ROBO1: variants seen among roughly 807,000 people sequenced by gnomAD.
ROBO1 encodes the protein roundabout homolog 1.
A neutral mutation model predicts 195.9 loss-of-function variants in ROBO1; 149 were observed. The observed-to-expected ratio is 0.76, with a 90% CI of 0.67 to 0.87. ROBO1 has a LOEUF of 0.87. Among genes scored for constraint, ROBO1 ranks in the 40% least tolerant of loss-of-function variants. The probability of loss-of-function intolerance (pLI) is 0.00; values close to 1 mark genes in which losing one functional copy is unlikely to be tolerated. For synonymous variants in ROBO1, 816 were observed against 733.2 expected, an observed-to-expected ratio of 1.11 and a Z score of -1.82; for missense variants, 1,933 against 2,068.3, an observed-to-expected ratio of 0.93 and a Z score of 1.27.
Position 79,019,093 on chromosome 3 carries a change from G to A in ROBO1, c.173-80166C>T. On this transcript the variant is annotated intron_variant, in intron 3 of 30. Transcript: ENST00000464233. The stretch of plus-strand genomic sequence containing the variant: ...ACAGCGGCTGCCTGGGCGGGCCCTT[G>A]TTCCCATCACTTGGGGGATGCGGAG... 5 of 988,510 alleles carry A rather than the reference G, an allele frequency of 5.1e-6. No homozygotes were observed. In the African/African-American group the frequency reaches 7.0e-5, roughly 14 times the overall value. The allele number at this position is 988,510 out of a possible 1,614,324, so 61.2% of individuals were successfully genotyped here. A position where few individuals can be genotyped will look rare whatever the true frequency, so the allele number is the denominator to read the frequency against.
At chr3:79,702,897 G>T (rs1466153608) in intron 1 of ROBO1, among the ~76,000 whole-genome samples, 1 of 151,814 alleles carries the variant, frequency 6.6e-6, no homozygotes, top group Non-Finnish European at 1.5e-5. Context: ...AATCCTACTC[G>T]TGGCTTCTGG....
At chr3:79,124,818 A>T (rs2080184587) in intron 3 of ROBO1, among the ~76,000 whole-genome samples, 1 of 152,202 alleles carries the variant, frequency 6.6e-6, no homozygotes, top group African/African-American at 2.4e-5. Flanking sequence ...TAGAACAAAA[A>T]ATTCCATGTG....
chr3:78,908,857 G>C (rs778943501), intron 4 of ROBO1, among the ~76,000 whole-genome samples: 26 of 151,886 alleles, frequency 1.7e-4, no homozygotes, highest in Non-Finnish European at 1.8e-4. Context: ...TAGTCTAACA[G>C]ACTTTGTCCA....
At chr3:79,374,658 C>T (rs897708869) in intron 2 of ROBO1, among the ~76,000 whole-genome samples, 1 of 152,140 alleles carries the variant, frequency 6.6e-6, no homozygotes, top group African/African-American at 2.4e-5. Flanking sequence ...ACATTTGCTA[C>T]AAGCATTGAC....
chr3:79,616,232 G>GT (rs1233575281), intron 1 of ROBO1, among the ~76,000 whole-genome samples: 1 of 152,140 alleles, frequency 6.6e-6, no homozygotes, highest in Admixed American at 6.5e-5. Flanking sequence ...CATCATACTG[G>GT]TTGTGTACCA....
intron 2 of ROBO1, among the ~76,000 whole-genome samples, chr3:79,308,322 C>A (rs2033318639): frequency 6.6e-6 from 1 of 152,114 alleles, no homozygotes; most frequent in Non-Finnish European, 1.5e-5. Context: ...TACGTAGGGA[C>A]TTCTAGGACA....
intron 8 of ROBO1, among the ~76,000 whole-genome samples, chr3:78,690,609 A>G (rs73109717): frequency 0.3 from 46,001 of 151,810 alleles, 7,651 homozygotes; most frequent in African/African-American, 0.45. Flanking sequence ...CCTTAATTAA[A>G]GGCTGGAATA....
chr3:78,962,759 G>A (rs181131737), intron 3 of ROBO1, among the ~76,000 whole-genome samples: 5 of 145,368 alleles, frequency 3.4e-5, no homozygotes, highest in Non-Finnish European at 7.4e-5. Flanking sequence ...GGAGGGCAGC[G>A]CTTGCAGTGA....
chr3:78,958,816 CTTCT>C (rs2041177839), intron 3 of ROBO1, among the ~76,000 whole-genome samples: 1 of 146,348 alleles, frequency 6.8e-6, no homozygotes, highest in African/African-American at 2.6e-5. Flanking sequence ...ACCCTTTCTT[CTTCT>C]TTTTTTTTTT....
chr3:78,756,514 G>A (rs2082935988), intron 4 of ROBO1, among the ~76,000 whole-genome samples: 1 of 152,228 alleles, frequency 6.6e-6, no homozygotes, highest in Admixed American at 6.5e-5. Context: ...TGGATTTTGT[G>A]ATTCACTTAA....
At chr3:78,895,719 T>C (rs754452591) in intron 4 of ROBO1, among the ~76,000 whole-genome samples, 14 of 152,218 alleles carry the variant, frequency 9.2e-5, no homozygotes, top group Non-Finnish European at 1.6e-4. Flanking sequence ...GAAACAGTGG[T>C]TGTGTTGTGG....
chr3:78,887,964 T>C (rs775256490), intron 4 of ROBO1, among the ~76,000 whole-genome samples: 2 of 152,138 alleles, frequency 1.3e-5, no homozygotes, highest in East Asian at 1.9e-4. Context: ...AAAAAAAACC[T>C]TTCCAGAAAG....
intron 4 of ROBO1, among the ~76,000 whole-genome samples, chr3:78,894,112 A>G: frequency 6.6e-6 from 1 of 152,202 alleles, no homozygotes; most frequent in African/African-American, 2.4e-5. Flanking sequence ...AAAGCCAAAA[A>G]CCACATTAAA....
intron 2 of ROBO1, among the ~76,000 whole-genome samples, chr3:79,356,294 T>C (rs2035552348): frequency 6.6e-6 from 1 of 152,192 alleles, no homozygotes; most frequent in Non-Finnish European, 1.5e-5. Flanking sequence ...TGGGCTAAGA[T>C]ACTGCCACTA....
At chr3:79,688,972 TTC>T (rs1215820692) in intron 1 of ROBO1, among the ~76,000 whole-genome samples, 10 of 152,202 alleles carry the variant, frequency 6.6e-5, no homozygotes, top group African/African-American at 1.9e-4. Flanking sequence ...TTGTGATGTC[TTC>T]TCTGTTTTAT....
intron 1 of ROBO1, among the ~76,000 whole-genome samples, chr3:79,758,002 T>G (rs1189865693): frequency 6.6e-6 from 1 of 152,230 alleles, no homozygotes; most frequent in Non-Finnish European, 1.5e-5. Context: ...TATCTGTCTT[T>G]GCAGGACATG....
At chr3:79,372,051 C>T (rs1272108247) in intron 2 of ROBO1, among the ~76,000 whole-genome samples, 7 of 152,096 alleles carry the variant, frequency 4.6e-5, no homozygotes, top group Middle Eastern at 3.4e-3. Flanking sequence ...AATCTAGTGC[C>T]GCAGCTGATC....
chr3:78,909,309 T>C (rs1030915396), intron 4 of ROBO1, among the ~76,000 whole-genome samples: 4 of 151,860 alleles, frequency 2.6e-5, no homozygotes, highest in African/African-American at 9.7e-5. Context: ...TGCATATATA[T>C]ACAATAATAA....
At chr3:79,210,095 A>G (rs1421278314) in intron 2 of ROBO1, among the ~76,000 whole-genome samples, 8 of 152,138 alleles carry the variant, frequency 5.3e-5, no homozygotes, top group East Asian at 3.8e-4. Context: ...ATGCTCATGG[A>G]TGAGTAGAAT....
Sources: allele counts gnomAD v4.1 joint callset (sites outside exome capture counted in the v4.1 genomes callset), GRCh38; gene constraint gnomAD v4.1.1; transcripts MANE v1.5; gene names NCBI Gene and HGNC (gene_info 2026-07-23, HGNC 2026-07-21).